The following FSD1L variants were observed in gnomAD, a reference collection of about 807,000 sequenced individuals.
FSD1L encodes FSD1-like protein.
Under a neutral mutation model 71.6 loss-of-function variants are expected in FSD1L, and 45 were observed. The ratio of observed to expected loss-of-function variants is 0.63; its 90% CI spans 0.49 to 0.81. FSD1L has a LOEUF of 0.81. Among genes scored for constraint, FSD1L ranks in the 30% least tolerant of loss-of-function variants. The probability of loss-of-function intolerance (pLI) is 0.00; values close to 1 mark genes in which losing one functional copy is unlikely to be tolerated. For missense variants in FSD1L, 561 were observed against 618.1 expected (o/e 0.91, Z 0.98); for synonymous variants, 197 against 207.2 (o/e 0.95, Z 0.42).
intron 6 of FSD1L, among the ~76,000 whole-genome samples, chr9:105,482,078 G>A (rs1419556520): frequency 6.6e-6 from 1 of 152,042 alleles, no homozygotes; most frequent in African/African-American, 2.4e-5. Context: ...TCCGCCCTAG[G>A]ATTATCTTTT....
At chr9:105,448,523 C>CTCTGATTTTA (rs1420640277) in intron 1 of FSD1L, among the ~76,000 whole-genome samples, 1 of 152,238 alleles carries the variant, frequency 6.6e-6, no homozygotes. Flanking sequence ...TAAAATCAGC[C>CTCTGATTTTA]ACTCTGCAGC....
chr9:105,506,712 C>T, intron 8 of FSD1L, 104 bp downstream of exon 8: 3 of 827,618 alleles, frequency 3.6e-6, no homozygotes, highest in South Asian at 3.4e-5. Context: ...TTTCTTTAGT[C>T]ACACTGAGTT....
chr9:105,451,109 G>A (rs1829968837), intron 1 of FSD1L, among the ~76,000 whole-genome samples: 1 of 151,906 alleles, frequency 6.6e-6, no homozygotes, highest in African/African-American at 2.4e-5. Flanking sequence ...ACAGGCTCCC[G>A]CCACCACGCC....
intron 7 of FSD1L, among the ~76,000 whole-genome samples, chr9:105,497,721 A>T (rs760615200): frequency 6.6e-6 from 1 of 152,116 alleles, no homozygotes; most frequent in African/African-American, 2.4e-5. Context: ...CATTTTTGAT[A>T]CTAGTTATTT....
At chr9:105,539,399 T>C in intron 13 of FSD1L, 48 bp downstream of exon 13, 1 of 864,582 alleles carries the variant, frequency 1.2e-6, no homozygotes, top group Non-Finnish European at 1.7e-6. Context: ...TTTACTTGGT[T>C]GGCAACTTTA....
chr9:105,531,943 A>G (rs1272679245), intron 10 of FSD1L, among the ~76,000 whole-genome samples: 1 of 152,054 alleles, frequency 6.6e-6, no homozygotes, highest in Non-Finnish European at 1.5e-5. Context: ...TTGTTTTTTC[A>G]CACCTCTTTT....
intron 1 of FSD1L, among the ~76,000 whole-genome samples, chr9:105,460,807 A>C (rs1830643838): frequency 6.6e-6 from 1 of 152,206 alleles, no homozygotes; most frequent in Non-Finnish European, 1.5e-5. Context: ...AGTCTTCTCT[A>C]ACCCAAAACA....
intron 10 of FSD1L, chr9:105,526,389 A>G: frequency 1.2e-6 from 2 of 1,613,234 alleles, no homozygotes; most frequent in Non-Finnish European, 1.7e-6. Flanking sequence ...GAAGGCTCCT[A>G]CCCAGAGATT....
In FSD1L at chr9:105,448,167, T is replaced by C; in HGVS notation, c.-54T>C. 6.5e-7 allele frequency: 1 copy of C among 1,533,394 alleles called. No individual in the cohort carries two copies. The highest frequency in any genetic ancestry group is 1.2e-5 in the South Asian group (1 of 83,730). The allele number at this position is 1,533,394 out of a possible 1,614,324, so 95.0% of individuals were successfully genotyped here. On this transcript the variant is annotated 5_prime_UTR_variant, in exon 1 of 14. Coordinates refer to ENST00000481272, the MANE Select transcript of FSD1L (RefSeq NM_001145313.3). Reference sequence around the variant, plus strand: ...TTGGGGTGTGCGATCTCGCTGAGCCTCCTCACACGGTTCGTCGTCTCGGGT... The same window carrying C: ...TTGGGGTGTGCGATCTCGCTGAGCCCCCTCACACGGTTCGTCGTCTCGGGT...
intron 10 of FSD1L, chr9:105,525,328 G>C: frequency 6.2e-7 from 1 of 1,601,100 alleles, no homozygotes; most frequent in Non-Finnish European, 8.5e-7. Context: ...TACTAGTCCT[G>C]AATGCTTACA....
rs1834476821 is a variant in FSD1L, at chr9:105,512,874, G to C, written c.963G>C (p.Glu321Asp). The change falls in exon 10 of 14, where the codon GAG becomes GAC. Residue 321 changes from glutamate to aspartate, a missense_variant. Glu to Asp is a conservative substitution (Grantham distance 45). Coordinates refer to ENST00000481272, the MANE Select transcript of FSD1L (RefSeq NM_001145313.3). The stretch of plus-strand genomic sequence containing the variant: ...TGAAAGTTGAAGATACATGTGTAGA[G>C]TGGGATCCTACTGGAGGAAAAGGTC... ...LNLKVEDTCV[E>D]WDPTGGKGQE... is the part of the protein sequence containing the mutation. 1.9e-6 allele frequency: 3 copies of C among 1,542,944 alleles called. No individual in the cohort carries two copies. Among genetic ancestry groups the C allele is most frequent in the Non-Finnish European group, 1.8e-6 (2 of 1,142,594 alleles).
rs547289723 is a variant in FSD1L at position 105,454,312 on chromosome 9, CAG to C, written c.15+6079_15+6080del. 3.0e-3 allele frequency among the ~76,000 whole-genome samples: 454 copies of C among 152,242 alleles called. 2 individuals are homozygous for C. The highest frequency in any genetic ancestry group is 0.011 in the African/African-American group (441 of 41,538). On this transcript the variant is annotated intron_variant, in intron 1 of 13. Transcript: ENST00000481272. ...TTCTACAATACTTTTAATGATTCAA[CAG>C]AATTCTTTTGTATGCATGTTTTACA...
intron 10 of FSD1L, chr9:105,530,828 A>G: frequency 2.2e-6 from 1 of 450,282 alleles, no homozygotes; most frequent in Middle Eastern, 3.7e-4. Context: ...ACTTTGGCTC[A>G]GGAAGATACA....
chr9:105,443,124 G>C (rs1439984520), upstream of FSD1L, among the ~76,000 whole-genome samples: 1 of 152,214 alleles, frequency 6.6e-6, no homozygotes, highest in Non-Finnish European at 1.5e-5. Context: ...TTCAAGTAGA[G>C]AGCGCCAGCC....
chr9:105,468,516 T>C (rs1831221493), intron 4 of FSD1L, among the ~76,000 whole-genome samples, 192 bp downstream of exon 4: 1 of 152,038 alleles, frequency 6.6e-6, no homozygotes, highest in South Asian at 2.1e-4. Flanking sequence ...CATTTTTTTT[T>C]TTTTTTGAGA....
chr9:105,502,159 A>C (rs1440440228), intron 7 of FSD1L, among the ~76,000 whole-genome samples: 1 of 152,064 alleles, frequency 6.6e-6, no homozygotes, highest in Non-Finnish European at 1.5e-5. Context: ...TTTCTTCTTT[A>C]ATTGTCTAGC....
intron 7 of FSD1L, among the ~76,000 whole-genome samples, chr9:105,489,051 GC>G (rs1832743431): frequency 5.3e-5 from 8 of 151,932 alleles, no homozygotes; most frequent in Admixed American, 4.6e-4. Context: ...ATTGAGAAAA[GC>G]ATTAAGATTA....
intron 10 of FSD1L, among the ~76,000 whole-genome samples, chr9:105,516,106 G>A (rs1017302464): frequency 6.6e-6 from 1 of 152,162 alleles, no homozygotes; most frequent in Non-Finnish European, 1.5e-5. Context: ...AGAGCCCACT[G>A]CAGCTCAGCA....
In FSD1L at chr9:105,538,904, C is replaced by T. The variant is rs192141656; in HGVS notation, c.1379-359C>T. Among the ~76,000 whole-genome samples, 323 of 152,134 alleles carry T rather than the reference C, an allele frequency of 2.1e-3. 4 individuals are homozygous for T. Among genetic ancestry groups the T allele is most frequent in the Middle Eastern group, 3.4e-3 (1 of 292 alleles). On this transcript the variant is annotated intron_variant, in intron 12 of 13. Coordinates refer to ENST00000481272, the MANE Select transcript of FSD1L (RefSeq NM_001145313.3). The stretch of plus-strand genomic sequence containing the variant: ...CCTTAAATGGTGATTAGAATTTGGG[C>T]AGAGAGGCTGGTTATAGGAAAAATA...
Sources: gnomAD v4.1 joint callset for allele counts (sites outside exome capture counted in the v4.1 genomes callset) on GRCh38, gnomAD v4.1.1 for gene constraint, MANE v1.5 for transcripts, NCBI Gene and HGNC (gene_info 2026-07-23, HGNC 2026-07-21) for gene names.